MTUS2: variants seen among roughly 807,000 people sequenced by gnomAD.
MTUS2 encodes microtubule associated scaffold protein 2.
MTUS2 carries 40 observed loss-of-function variants against 114.1 expected under a neutral mutation model. The ratio of observed to expected loss-of-function variants is 0.35; its 90% confidence interval spans 0.27 to 0.46. MTUS2 has a LOEUF of 0.46. Ranked by LOEUF, MTUS2 falls within the 20% of genes least tolerant of loss-of-function variation. The probability of loss-of-function intolerance (pLI) is 1.00; values close to 1 mark genes in which losing one functional copy is unlikely to be tolerated. For synonymous variants in MTUS2, 688 were observed against 672.0 expected (o/e 1.02, Z -0.37); for missense variants, 1,679 against 1,705.4 (o/e 0.98, Z 0.27).
chr13:29,065,418 T>G (rs1888619429), intron 4 of MTUS2, among the ~76,000 whole-genome samples: 1 of 152,210 alleles, frequency 6.6e-6, no homozygotes, highest in Admixed American at 6.5e-5. Context: ...GTTGACCTCA[T>G]GTATGCCTTC....
intron 2 of MTUS2, among the ~76,000 whole-genome samples, chr13:28,946,714 GT>G (rs945508673): frequency 2.1e-4 from 32 of 149,438 alleles, no homozygotes; most frequent in Admixed American, 9.4e-4. Flanking sequence ...AGACAACAGG[GT>G]TTTTTTTTTC....
At chr13:28,931,436 T>G (rs760117635) in intron 2 of MTUS2, among the ~76,000 whole-genome samples, 4 of 152,118 alleles carry the variant, frequency 2.6e-5, no homozygotes, top group Admixed American at 2.0e-4. Flanking sequence ...TCACAAGATA[T>G]GATGTTTTTA....
chr13:29,206,107 C>G (rs1453915537), intron 5 of MTUS2, among the ~76,000 whole-genome samples: 1 of 152,162 alleles, frequency 6.6e-6, no homozygotes, highest in Non-Finnish European at 1.5e-5. Flanking sequence ...GCCGTTCTTG[C>G]TGGAGTAAGG....
At chr13:29,427,521 G>A (rs1876638791) in intron 8 of MTUS2, among the ~76,000 whole-genome samples, 1 of 152,204 alleles carries the variant, frequency 6.6e-6, no homozygotes, top group South Asian at 2.1e-4. Context: ...TATTTTGATA[G>A]GTACAGCCAA....
In MTUS2 at chr13:29,024,483, C is replaced by CAGCAGGAACCTAACAGATA; in HGVS notation, c.-213_-195dup. Reference sequence around the variant, plus strand: ...TCTCATGGACTGATTGGCTCTCATTCAGCAGGAACCTAACAGATAAGTCTT... The same window carrying CAGCAGGAACCTAACAGATA: ...TCTCATGGACTGATTGGCTCTCATTCAGCAGGAACCTAACAGATAAGCAGGAACCTAACAGATAAGTCTT... On this transcript the variant is annotated 5_prime_UTR_variant, in exon 3 of 16. Coordinates refer to ENST00000612955, the MANE Select transcript of MTUS2 (RefSeq NM_001033602.4). 1 of 571,344 alleles carries CAGCAGGAACCTAACAGATA rather than the reference C, an allele frequency of 1.8e-6. No individual in the cohort carries two copies. 35.4% of individuals were successfully genotyped at this position (571,344 alleles called of 1,614,324 possible).
At chr13:29,208,521 A>T (rs1405939155) in intron 5 of MTUS2, among the ~76,000 whole-genome samples, 1 of 151,442 alleles carries the variant, frequency 6.6e-6, no homozygotes, top group African/African-American at 2.4e-5. Flanking sequence ...TCGAGTTGTG[A>T]CCTCAGACTG....
chr13:28,841,387 G>GT (rs1379813024), intron 2 of MTUS2, among the ~76,000 whole-genome samples: 3 of 152,188 alleles, frequency 2.0e-5, no homozygotes, highest in Non-Finnish European at 2.9e-5. Context: ...AGTCATGGTA[G>GT]TTGGAGGCAT....
intron 2 of MTUS2, among the ~76,000 whole-genome samples, chr13:28,923,923 C>T (rs1881184975): frequency 6.6e-6 from 1 of 152,074 alleles, no homozygotes; most frequent in Non-Finnish European, 1.5e-5. Flanking sequence ...CTTGTTAGAG[C>T]TGCCCTTCTC....
intron 1 of MTUS2, among the ~76,000 whole-genome samples, chr13:28,835,810 T>C (rs1469206980): frequency 6.6e-6 from 1 of 152,170 alleles, no homozygotes; most frequent in Admixed American, 6.5e-5. Context: ...AGAAGTTACA[T>C]GTGAAGTGCC....
At chr13:28,884,592 A>G (rs969330009) in intron 2 of MTUS2, among the ~76,000 whole-genome samples, 3 of 152,322 alleles carry the variant, frequency 2.0e-5, no homozygotes, top group African/African-American at 7.2e-5. Flanking sequence ...GAGTACACAC[A>G]CGGCACACAC....
At chr13:28,996,012 A>C (rs1463067673) in intron 2 of MTUS2, among the ~76,000 whole-genome samples, 1 of 152,198 alleles carries the variant, frequency 6.6e-6, no homozygotes, top group Non-Finnish European at 1.5e-5. Context: ...TTGTCCATTC[A>C]GTATGATATT....
At chr13:29,247,728 G>A (rs959895934) in intron 5 of MTUS2, among the ~76,000 whole-genome samples, 7 of 152,060 alleles carry the variant, frequency 4.6e-5, no homozygotes, top group East Asian at 1.9e-4. Context: ...AAGAATGCCC[G>A]TAATCAAAAA....
intron 2 of MTUS2, among the ~76,000 whole-genome samples, chr13:28,936,121 A>G (rs911693646): frequency 1.3e-5 from 2 of 151,996 alleles, no homozygotes; most frequent in African/African-American, 4.8e-5. Flanking sequence ...ATGCCTCACC[A>G]TGTTCTTTTA....
intron 1 of MTUS2, among the ~76,000 whole-genome samples, chr13:28,827,749 CT>C (rs1874367588): frequency 6.6e-6 from 1 of 152,178 alleles, no homozygotes; most frequent in South Asian, 2.1e-4. Context: ...CGTGATGCCC[CT>C]CAAGCCGCAA....
chr13:28,921,846 G>A (rs113370973), intron 2 of MTUS2, among the ~76,000 whole-genome samples: 20 of 152,180 alleles, frequency 1.3e-4, no homozygotes, highest in African/African-American at 4.1e-4. Context: ...TCATGATTAC[G>A]GTGCTTTCCC....
intron 5 of MTUS2, among the ~76,000 whole-genome samples, chr13:29,128,852 T>C (rs1265090951): frequency 2.0e-5 from 3 of 152,190 alleles, no homozygotes; most frequent in Admixed American, 6.5e-5. Context: ...GGGTGTTTCA[T>C]ATATATAAAA....
At chr13:29,295,846 T>G (rs1898917615) in intron 6 of MTUS2, among the ~76,000 whole-genome samples, 1 of 152,156 alleles carries the variant, frequency 6.6e-6, no homozygotes, top group Non-Finnish European at 1.5e-5. Context: ...AACTGCATTT[T>G]ATAAAACCAT....
chr13:29,178,931 C>T (rs1893885451), intron 5 of MTUS2, among the ~76,000 whole-genome samples: 1 of 152,080 alleles, frequency 6.6e-6, no homozygotes, highest in Non-Finnish European at 1.5e-5. Context: ...TAGGGCTCAG[C>T]CACAGAAGTG....
At chr13:28,909,854 C>T (rs1880294141) in intron 2 of MTUS2, among the ~76,000 whole-genome samples, 1 of 152,164 alleles carries the variant, frequency 6.6e-6, no homozygotes, top group South Asian at 2.1e-4. Flanking sequence ...AATCAGTGTG[C>T]AAAAATCACA....
Sources: allele counts gnomAD v4.1 joint callset (sites outside exome capture counted in the v4.1 genomes callset), GRCh38; gene constraint gnomAD v4.1.1; transcripts MANE v1.5; gene names NCBI Gene and HGNC (gene_info 2026-07-23, HGNC 2026-07-21).